Variants in ADAM28 observed in about 807,000 individuals in gnomAD.
The protein encoded by ADAM28 is ADAM metallopeptidase domain 28.
ADAM28 carries 105 observed loss-of-function variants against 101.2 expected under a neutral mutation model. The ratio of observed to expected loss-of-function variants is 1.04; its 90% CI spans 0.89 to 1.22. The LOEUF is 1.22. Ranked by LOEUF, ADAM28 falls within the 50% of genes most tolerant of loss-of-function variation. The probability of loss-of-function intolerance (pLI) is 0.00; values close to 1 mark genes in which losing one functional copy is unlikely to be tolerated. For synonymous variants in ADAM28, 322 were observed against 310.6 expected (o/e 1.04, Z -0.39); for missense variants, 1,028 against 945.4 (o/e 1.09, Z -1.15).
chr8:24,308,854 C>G, intron 2 of ADAM28: 1 of 367,914 alleles, frequency 2.7e-6, no homozygotes, highest in African/African-American at 2.1e-5. Flanking sequence ...CCTTGTCTGT[C>G]TGTGAGCTCA....
chr8:24,307,038 TTATGACTAA>T (rs1809790493), intron 2 of ADAM28, among the ~76,000 whole-genome samples: 1 of 152,212 alleles, frequency 6.6e-6, no homozygotes, highest in African/African-American at 2.4e-5. Context: ...CAGGCACACC[TTATGACTAA>T]TAAGAACACT....
intron 10 of ADAM28, 26 bp from the exon 11 acceptor site, chr8:24,329,959 A>G: frequency 1.3e-6 from 2 of 1,592,518 alleles, no homozygotes; most frequent in Non-Finnish European, 1.7e-6. Context: ...AAATCAGAGA[A>G]TCTTTTTCTT....
Position 24,352,039 on chromosome 8 carries a change from C to A in ADAM28, c.2231C>A (p.Pro744His), listed in dbSNP as rs768333387. The A allele has an allele frequency of 3.1e-6, 5 of 1,613,678 alleles. No homozygotes were observed. The South Asian group carries it at 5.5e-5, about 18-fold the overall frequency. ...VYDLPVEGNE[P>H]PASFHKDTNA... ...GATCTGCCAGTAGAAGGCAATGAGC[C>A]CCCAGCCTCTTTTGTGAGTTAGCAA... Residue 744 changes from proline to histidine, a missense_variant, in exon 21 of 23, where the codon CCC becomes CAC. Pro to His is a moderately conservative substitution (Grantham distance 77). Transcript: ENST00000265769.
chr8:24,335,809 T>A (rs1813958106), intron 14 of ADAM28, 168 bp downstream of exon 14: 3 of 1,280,556 alleles, frequency 2.3e-6, no homozygotes, highest in Non-Finnish European at 2.0e-6. Context: ...GTTGCTAGAT[T>A]TAGCAAGTAA....
rs1212583464 is a variant in ADAM28, at chr8:24,339,485, G to C, written c.1587G>C (p.Lys529Asn). 1.9e-6 allele frequency: 3 copies of C among 1,613,146 alleles called. No individual in the cohort carries two copies. Among genetic ancestry groups the C allele is most frequent in the East Asian group, 2.2e-5 (1 of 44,846 alleles). The change falls in exon 15 of 23, where the codon AAG (lysine) becomes AAC (asparagine). Residue 529 changes from lysine (K) to asparagine (N), a missense_variant. Transcript: ENST00000265769. Reference protein sequence around the residue: ...LWGPGTEVADKSCYNRNEGGS... With the variant: ...LWGPGTEVADNSCYNRNEGGS... ...TCCCAGGAACTGAGGTTGCAGATAA[G>C]TCATGTTACAACAGGAATGAAGGTG... is the stretch of plus-strand genomic sequence containing the variant.
At chr8:24,311,776 G>C (rs906849516) in intron 5 of ADAM28, among the ~76,000 whole-genome samples, 8 of 152,010 alleles carry the variant, frequency 5.3e-5, no homozygotes, top group Non-Finnish European at 7.4e-5. Flanking sequence ...GTCTTGCTCT[G>C]TCACCAGGCT....
intron 10 of ADAM28, among the ~76,000 whole-genome samples, chr8:24,327,858 T>C (rs183291905): frequency 5.9e-4 from 90 of 152,258 alleles, no homozygotes; most frequent in Non-Finnish European, 4.4e-5. Context: ...TCTAACTCTT[T>C]CTTCCCATCT....
intron 14 of ADAM28, chr8:24,336,260 C>T: frequency 1.2e-6 from 1 of 814,206 alleles, no homozygotes; most frequent in African/African-American, 1.9e-5. Flanking sequence ...AAAGAGATAT[C>T]CGAAAATTTA....
intron 18 of ADAM28, 86 bp downstream of exon 18, chr8:24,343,670 T>C: frequency 8.3e-7 from 1 of 1,208,688 alleles, no homozygotes; most frequent in Non-Finnish European, 1.2e-6. Context: ...TCACTGCTTC[T>C]TTTCTCTGTT....
chr8:24,308,767 A>T, intron 2 of ADAM28: 1 of 452,640 alleles, frequency 2.2e-6, no homozygotes. Context: ...GATTTAAGCA[A>T]AGTATGGACT....
intron 1 of ADAM28, among the ~76,000 whole-genome samples, chr8:24,297,827 G>T (rs1808179930): frequency 1.3e-5 from 2 of 152,080 alleles, no homozygotes; most frequent in Non-Finnish European, 1.5e-5. Context: ...CTCAGAAAAA[G>T]AATCATCAAT....
intron 6 of ADAM28, among the ~76,000 whole-genome samples, chr8:24,317,745 A>T (rs951473154): frequency 6.6e-6 from 1 of 152,002 alleles, no homozygotes; most frequent in Non-Finnish European, 1.5e-5. Context: ...AAGGAATCTA[A>T]AAAAGGGGGT....
chr8:24,298,710 G>A (rs144498176), intron 1 of ADAM28, among the ~76,000 whole-genome samples: 40 of 152,266 alleles, frequency 2.6e-4, no homozygotes, highest in Non-Finnish European at 5.9e-5. Context: ...TTTAGTCTTA[G>A]AAAGTTGTAG....
At position 24,326,639 on chromosome 8, in the gene ADAM28, T is replaced by G. The variant is rs748123504; in HGVS notation, c.972+4T>G. ...TTATTCTGTTGGCGTTGTTCAGGTC[T>G]GTATGATGATAAACTGTTGGTTCTA... On this transcript the variant is annotated splice_donor_region_variant and intron_variant, in intron 10 of 22. Transcript: ENST00000265769. 1 of 1,608,718 alleles carries G rather than the reference T, an allele frequency of 6.2e-7. No individual in the cohort carries two copies. The highest frequency in any genetic ancestry group is 1.7e-4 in the Middle Eastern group (1 of 6,034).
At chr8:24,354,258 A>G (rs1455451778) in intron 22 of ADAM28, 126 bp from the exon 23 acceptor site, 8 of 810,128 alleles carry the variant, frequency 9.9e-6, no homozygotes, top group East Asian at 8.4e-5. Flanking sequence ...TTTTTGCTGT[A>G]TCAAGTGACC....
chr8:24,327,728 T>A (rs1285804401), intron 10 of ADAM28, among the ~76,000 whole-genome samples: 1 of 151,832 alleles, frequency 6.6e-6, no homozygotes, highest in Admixed American at 6.6e-5. Context: ...TCAGAAATAA[T>A]ACTACACATC....
intron 10 of ADAM28, among the ~76,000 whole-genome samples, chr8:24,328,576 C>A (rs773499807): frequency 3.3e-5 from 5 of 151,890 alleles, no homozygotes; most frequent in Admixed American, 6.6e-5. Flanking sequence ...TGCTACTTTA[C>A]GGAAGTAAAA....
chr8:24,318,809 C>T (rs56712573), intron 6 of ADAM28, among the ~76,000 whole-genome samples: 5,158 of 152,058 alleles, frequency 0.034, 108 homozygotes, highest in East Asian at 0.092. Context: ...TCTGACTACC[C>T]CAAGGTGCCA....
intron 19 of ADAM28, among the ~76,000 whole-genome samples, chr8:24,351,012 G>A (rs1034046011): frequency 3.3e-5 from 5 of 151,868 alleles, no homozygotes; most frequent in African/African-American, 1.2e-4. Context: ...AGAAGTCAGG[G>A]GTTTTTGGAG....
Sources: allele counts gnomAD v4.1 joint callset (sites outside exome capture counted in the v4.1 genomes callset), GRCh38; gene constraint gnomAD v4.1.1; transcripts MANE v1.5; gene names NCBI Gene and HGNC (gene_info 2026-07-23, HGNC 2026-07-21).